The following ZHX2 variants were observed in gnomAD, a reference collection of about 807,000 sequenced individuals.
ZHX2 encodes zinc fingers and homeoboxes protein 2.
In ZHX2, 6 loss-of-function variants were observed where a neutral mutation model predicts 21.9. The ratio of observed to expected loss-of-function variants is 0.27; its 90% CI spans 0.15 to 0.54. The LOEUF (loss-of-function observed/expected upper bound fraction) is 0.54. ZHX2 is among the 20% of genes least tolerant of loss of function. The pLI, the probability that ZHX2 is intolerant of heterozygous loss-of-function variation, is 0.95. For missense variants in ZHX2, 908 were observed against 1,090.7 expected (o/e 0.83, Z 2.36); for synonymous variants, 434 against 437.1 (o/e 0.99, Z 0.09).
intron 1 of ZHX2, among the ~76,000 whole-genome samples, chr8:122,811,387 T>TAATAA (rs936143884): frequency 2.0e-5 from 3 of 151,998 alleles, no homozygotes; most frequent in African/African-American, 7.2e-5. Flanking sequence ...TCTCAAAAAA[T>TAATAA]AATAAAATAA....
At chr8:122,969,825 C>T (rs964483931) in intron 3 of ZHX2, among the ~76,000 whole-genome samples, 1 of 152,066 alleles carries the variant, frequency 6.6e-6, no homozygotes, top group African/African-American at 2.4e-5. Flanking sequence ...TCCCTAGGGC[C>T]CTAGAGAAAG....
intron 2 of ZHX2, among the ~76,000 whole-genome samples, chr8:122,924,152 T>C (rs1013961016): frequency 7.9e-5 from 12 of 152,280 alleles, no homozygotes; most frequent in Admixed American, 7.8e-4. Flanking sequence ...AGATTCATTG[T>C]CTTCTAGTTC....
At chr8:122,879,364 G>A (rs561947878) in intron 2 of ZHX2, among the ~76,000 whole-genome samples, 7 of 151,922 alleles carry the variant, frequency 4.6e-5, no homozygotes, top group East Asian at 3.9e-4. Context: ...ATGCCACCAC[G>A]CCCAGCTAAC....
intron 1 of ZHX2, among the ~76,000 whole-genome samples, chr8:122,808,464 C>G (rs944010796): frequency 5.9e-5 from 9 of 152,158 alleles, no homozygotes; most frequent in South Asian, 2.1e-4. Context: ...ATAAAACCAT[C>G]AGATCTCATG....
intron 1 of ZHX2, among the ~76,000 whole-genome samples, chr8:122,839,985 G>A (rs138278452): frequency 1.5e-3 from 229 of 152,274 alleles, no homozygotes; most frequent in South Asian, 2.9e-3. Flanking sequence ...TGCCTGAAGG[G>A]TGAGAAAATG....
At chr8:122,955,764 C>T (rs1243286410) in intron 3 of ZHX2, among the ~76,000 whole-genome samples, 1 of 151,854 alleles carries the variant, frequency 6.6e-6, no homozygotes, top group Non-Finnish European at 1.5e-5. Context: ...TCTACCTGGC[C>T]ACCTCTGGCC....
chr8:122,832,041 G>A (rs1025588092), intron 1 of ZHX2, among the ~76,000 whole-genome samples: 12 of 152,164 alleles, frequency 7.9e-5, no homozygotes, highest in Non-Finnish European at 1.6e-4. Context: ...AAGTAAAGGA[G>A]GCATCTGGAA....
At chr8:122,879,891 G>T (rs1241943752) in intron 2 of ZHX2, among the ~76,000 whole-genome samples, 2 of 151,722 alleles carry the variant, frequency 1.3e-5, no homozygotes, top group African/African-American at 4.8e-5. Flanking sequence ...GGATTCTTGA[G>T]TGCTGCCCTG....
chr8:122,923,620 G>T (rs1319199190), intron 2 of ZHX2, among the ~76,000 whole-genome samples: 4 of 152,322 alleles, frequency 2.6e-5, no homozygotes, highest in Admixed American at 2.6e-4. Flanking sequence ...CTGCCACAGT[G>T]TCTGCCACAA....
At chr8:122,949,525 A>ATACAAGC (rs1479806664) in intron 2 of ZHX2, among the ~76,000 whole-genome samples, 2 of 152,164 alleles carry the variant, frequency 1.3e-5, no homozygotes, top group African/African-American at 4.8e-5. Flanking sequence ...CCTTATTGTC[A>ATACAAGC]ATCAAGAAAA....
Position 122,782,422 on chromosome 8 carries a change from G to A in ZHX2, c.-283+476G>A, listed in dbSNP as rs1224276648. Among the ~76,000 whole-genome samples, 1 of 152,150 alleles carries A rather than the reference G, an allele frequency of 6.6e-6. No individual in the cohort carries two copies. The highest frequency in any genetic ancestry group is 2.4e-5 in the African/African-American group (1 of 41,446). Reference sequence around the variant, plus strand: ...AAACTGCGGCGCTTTGTGCAAACGGGGCAGGTCCCGCGGGGACTCCACCGG... The same window carrying A: ...AAACTGCGGCGCTTTGTGCAAACGGAGCAGGTCCCGCGGGGACTCCACCGG... On this transcript the variant is annotated intron_variant, in intron 1 of 3. Transcript: ENST00000314393. The surrounding 1 kb of genome is among the most constrained non-coding windows in gnomAD (Gnocchi z 5.3).
rs186549093 is a variant in ZHX2, at chr8:122,845,003, T to A, written c.-282-18474T>A. On this transcript the variant is annotated intron_variant, in intron 1 of 3. Transcript: ENST00000314393. ...CCCCTGCCCAACCGTATCATCCCTA[T>A]GATTTTCCACAAATAAACACATTCC... 2.1e-3 allele frequency among the ~76,000 whole-genome samples: 324 copies of A among 152,312 alleles called. 1 individual carries two copies. The highest frequency in any genetic ancestry group is 7.3e-3 in the African/African-American group (302 of 41,570).
intron 1 of ZHX2, among the ~76,000 whole-genome samples, chr8:122,852,660 TGAGAC>T (rs1818927304): frequency 6.6e-6 from 1 of 152,058 alleles, no homozygotes; most frequent in Non-Finnish European, 1.5e-5. Flanking sequence ...TCCATGCTTT[TGAGAC>T]CGAGAATCTG....
chr8:122,868,519 G>A (rs573966217), intron 2 of ZHX2, among the ~76,000 whole-genome samples: 9 of 151,758 alleles, frequency 5.9e-5, no homozygotes, highest in Non-Finnish European at 1.2e-4. Flanking sequence ...GACAAACACG[G>A]TGAAACCCCG....
intron 1 of ZHX2, among the ~76,000 whole-genome samples, chr8:122,832,637 G>A (rs992131760): frequency 1.3e-5 from 2 of 152,136 alleles, no homozygotes; most frequent in African/African-American, 4.8e-5. Flanking sequence ...TTAGTATAAC[G>A]GTTTGGCAAG....
At chr8:122,956,660 G>A (rs752807980) in intron 3 of ZHX2, among the ~76,000 whole-genome samples, 10 of 152,180 alleles carry the variant, frequency 6.6e-5, no homozygotes, top group Admixed American at 2.6e-4. Context: ...GTTTGGGTTC[G>A]GTAAAGGATA....
At chr8:122,798,459 C>T (rs1817655684) in intron 1 of ZHX2, among the ~76,000 whole-genome samples, 1 of 152,094 alleles carries the variant, frequency 6.6e-6, no homozygotes, top group South Asian at 2.1e-4. Context: ...GGAATTTTGG[C>T]TCTGAATACA....
chr8:122,939,513 A>G (rs904450177), intron 2 of ZHX2, among the ~76,000 whole-genome samples: 2 of 152,206 alleles, frequency 1.3e-5, no homozygotes, highest in Non-Finnish European at 2.9e-5. Context: ...GGAGGGAGAC[A>G]GGAGTTGACA....
chr8:122,946,033 G>C (rs1812968187), intron 2 of ZHX2, among the ~76,000 whole-genome samples: 1 of 152,234 alleles, frequency 6.6e-6, no homozygotes, highest in African/African-American at 2.4e-5. Context: ...CCCAGGGCAA[G>C]AACCACGACT....
Sources: gnomAD v4.1 joint callset for allele counts (sites outside exome capture counted in the v4.1 genomes callset) on GRCh38, gnomAD v4.1.1 for gene constraint, Gnocchi (gnomAD v3.1) non-coding constraint, MANE v1.5 for transcripts, NCBI Gene and HGNC (gene_info 2026-07-23, HGNC 2026-07-21) for gene names.